Variants in UNC13C observed in about 807,000 individuals in gnomAD.
UNC13C encodes the protein unc-13 homolog C, also known as protein unc-13 homolog C.
UNC13C carries 174 observed loss-of-function variants against 245.4 expected under a neutral mutation model. That is an observed-to-expected ratio of 0.71 (90% CI 0.63 to 0.80). The LOEUF (loss-of-function observed/expected upper bound fraction) is 0.80. Ranked by LOEUF, UNC13C falls within the 30% of genes least tolerant of loss-of-function variation. UNC13C has a pLI of 0.00. For synonymous variants in UNC13C, 992 were observed against 895.1 expected, an observed-to-expected ratio of 1.11 and a Z score of -1.93; for missense variants, 2,829 against 2,602.9, an observed-to-expected ratio of 1.09 and a Z score of -1.89.
At chr15:54,353,560 C>A (rs77876293) in intron 17 of UNC13C, among the ~76,000 whole-genome samples, 4,619 of 152,244 alleles carry the variant, frequency 0.03, 114 homozygotes, top group Non-Finnish European at 0.047. Context: ...GAATCACTTT[C>A]GTTGGGCTTC....
intron 19 of UNC13C, chr15:54,416,981 C>T (rs2040536279): frequency 4.4e-6 from 2 of 456,448 alleles, no homozygotes; most frequent in Non-Finnish European, 8.8e-6. Context: ...ATGGAGGGCT[C>T]AGCTACTGAC....
chr15:53,916,314 C>G, the UNC13C span, among the ~76,000 whole-genome samples: 1 of 152,154 alleles, frequency 6.6e-6, no homozygotes, highest in Middle Eastern at 3.2e-3. Flanking sequence ...CCAACATGAT[C>G]CATTTGAGAA....
intron 17 of UNC13C, among the ~76,000 whole-genome samples, chr15:54,374,977 C>T (rs2039574666): frequency 6.6e-6 from 1 of 152,230 alleles, no homozygotes. Context: ...CCACAGTTTA[C>T]TAATATATTC....
chr15:54,183,716 T>A (rs999047121), intron 4 of UNC13C, among the ~76,000 whole-genome samples: 1 of 149,514 alleles, frequency 6.7e-6, no homozygotes, highest in Non-Finnish European at 1.5e-5. Flanking sequence ...GATTATGTAA[T>A]ATATGTTAGT....
intron 30 of UNC13C, among the ~76,000 whole-genome samples, chr15:54,571,807 C>T (rs1897768147): frequency 1.3e-5 from 2 of 152,102 alleles, no homozygotes; most frequent in Non-Finnish European, 2.9e-5. Flanking sequence ...CAGTGAAATA[C>T]AGGAAGTTGG....
intron 4 of UNC13C, among the ~76,000 whole-genome samples, chr15:54,164,834 G>T (rs2033109972): frequency 6.6e-6 from 1 of 152,036 alleles, no homozygotes; most frequent in South Asian, 2.1e-4. Flanking sequence ...TCTAGTATTG[G>T]AATAATTTCA....
At chr15:54,167,298 C>T (rs985020503) in intron 4 of UNC13C, among the ~76,000 whole-genome samples, 1 of 151,740 alleles carries the variant, frequency 6.6e-6, no homozygotes, top group Non-Finnish European at 1.5e-5. Context: ...GTCAGGAGAT[C>T]GAGACCATCC....
intron 20 of UNC13C, among the ~76,000 whole-genome samples, chr15:54,496,078 A>G (rs964408532): frequency 2.6e-5 from 4 of 152,078 alleles, no homozygotes; most frequent in African/African-American, 9.7e-5. Context: ...TGTTCTCACC[A>G]TAAAAATGAT....
At chr15:53,846,235 C>G in the UNC13C span, among the ~76,000 whole-genome samples, 6 of 152,172 alleles carry the variant, frequency 3.9e-5, no homozygotes, top group Non-Finnish European at 7.3e-5. Context: ...AGCAACTCTA[C>G]TGACATGATT....
intron 1 of UNC13C, among the ~76,000 whole-genome samples, chr15:53,989,512 T>C (rs532240326): frequency 9.9e-5 from 15 of 152,070 alleles, no homozygotes; most frequent in South Asian, 2.1e-4. Flanking sequence ...TATTTTGCCA[T>C]TAAATCTATT....
chr15:54,521,408 T>C (rs2141132137), intron 24 of UNC13C, among the ~76,000 whole-genome samples: 1 of 152,300 alleles, frequency 6.6e-6, no homozygotes, highest in Middle Eastern at 3.4e-3. Context: ...ACTAAAGATC[T>C]TTAATTTCTT....
Position 54,525,652 on chromosome 15 carries a change from T to C in UNC13C, c.5546+15T>C, listed in dbSNP as rs758786138. The C allele has an allele frequency of 1.2e-6, 2 of 1,602,238 alleles. No individual in the cohort carries two copies. ...TATGGTGAAAGGTAAGTGGCCTCTGTTGTCATTATCTAAATTAGATAATTA... is the reference window on the plus strand; with the variant it reads ...TATGGTGAAAGGTAAGTGGCCTCTGCTGTCATTATCTAAATTAGATAATTA... On this transcript the variant is annotated intron_variant, in intron 25 of 32. Transcript: ENST00000260323.
At chr15:54,122,655 C>T (rs967116173) in intron 2 of UNC13C, among the ~76,000 whole-genome samples, 1 of 151,986 alleles carries the variant, frequency 6.6e-6, no homozygotes, top group Non-Finnish European at 1.5e-5. Context: ...GCTGTGAAGG[C>T]AACTGCTGAT....
intron 17 of UNC13C, among the ~76,000 whole-genome samples, chr15:54,349,645 A>T (rs893283906): frequency 2.0e-5 from 3 of 152,202 alleles, no homozygotes; most frequent in Non-Finnish European, 4.4e-5. Flanking sequence ...TATAAATTTA[A>T]TGGTGATATG....
At chr15:54,431,028 C>G (rs2040861630) in intron 19 of UNC13C, among the ~76,000 whole-genome samples, 1 of 151,788 alleles carries the variant, frequency 6.6e-6, no homozygotes, top group Non-Finnish European at 1.5e-5. Context: ...ACACTTTTTA[C>G]TTCCTACTGC....
At chr15:54,598,282 A>C (rs898083424) in intron 30 of UNC13C, among the ~76,000 whole-genome samples, 1 of 152,202 alleles carries the variant, frequency 6.6e-6, no homozygotes, top group African/African-American at 2.4e-5. Context: ...TTTAGTAGAC[A>C]CAGGGTTTCA....
At chr15:54,049,504 A>T (rs192026266) in intron 2 of UNC13C, 2 of 319,654 alleles carry the variant, frequency 6.3e-6, no homozygotes, top group African/African-American at 4.5e-5. Flanking sequence ...TTTAGTGGCC[A>T]TGATGGAATT....
chr15:53,880,551 C>T, the UNC13C span, among the ~76,000 whole-genome samples: 51 of 152,260 alleles, frequency 3.3e-4, no homozygotes, highest in African/African-American at 1.1e-3. Context: ...AAGAAGCTTC[C>T]TGTGAGGTCA....
the UNC13C span, among the ~76,000 whole-genome samples, chr15:53,859,396 C>T: frequency 6.6e-6 from 1 of 152,132 alleles, no homozygotes; most frequent in African/African-American, 2.4e-5. Context: ...TCACAGACTA[C>T]TGAAATTACA....
Sources: gnomAD v4.1 joint callset for allele counts (sites outside exome capture counted in the v4.1 genomes callset) on GRCh38, gnomAD v4.1.1 for gene constraint, MANE v1.5 for transcripts, NCBI Gene and HGNC (gene_info 2026-07-23, HGNC 2026-07-21) for gene names.